ERBB4: variants seen among roughly 807,000 people sequenced by gnomAD.
ERBB4 encodes erb-b2 receptor tyrosine kinase 4.
ERBB4 carries 42 observed loss-of-function variants against 158.0 expected under a neutral mutation model. That is an observed-to-expected ratio of 0.27 (90% CI 0.21 to 0.34). The LOEUF (loss-of-function observed/expected upper bound fraction) is 0.34, where lower values mean the gene tolerates loss of function less well. Ranked by LOEUF, ERBB4 falls within the 10% of genes least tolerant of loss-of-function variation. ERBB4 has a pLI of 1.00. For synonymous variants in ERBB4, 583 were observed against 558.7 expected, an observed-to-expected ratio of 1.04 and a Z score of -0.61; for missense variants, 1,333 against 1,624.1, an observed-to-expected ratio of 0.82 and a Z score of 3.08.
intron 1 of ERBB4, among the ~76,000 whole-genome samples, chr2:212,367,015 G>A (rs2089913404): frequency 6.6e-6 from 1 of 151,818 alleles, no homozygotes; most frequent in African/African-American, 2.4e-5. Context: ...AGGTAATAAG[G>A]TCAGAAGAGT....
chr2:212,041,924 T>G (rs574309811), intron 2 of ERBB4, among the ~76,000 whole-genome samples: 2 of 152,098 alleles, frequency 1.3e-5, no homozygotes. Context: ...ACCTATTACA[T>G]TGTCATGATG....
intron 2 of ERBB4, among the ~76,000 whole-genome samples, chr2:211,974,116 A>G (rs958458666): frequency 6.6e-6 from 1 of 152,184 alleles, no homozygotes; most frequent in African/African-American, 2.4e-5. Context: ...GAATCAGGAA[A>G]AACAACCAGT....
At chr2:212,065,028 TTGTG>T (rs1220915180) in intron 2 of ERBB4, among the ~76,000 whole-genome samples, 9 of 130,296 alleles carry the variant, frequency 6.9e-5, no homozygotes, top group African/African-American at 1.7e-4. Flanking sequence ...TGTGTGTGTG[TTGTG>T]TGTGTGTGTG....
chr2:211,424,343 A>G (rs1366468357), intron 22 of ERBB4, 42 bp from the exon 23 acceptor site: 3 of 1,497,188 alleles, frequency 2.0e-6, no homozygotes, highest in Admixed American at 3.4e-5. Context: ...TATTAACAAC[A>G]TATGTTGAAC....
chr2:211,678,323 A>C (rs1166267970), intron 13 of ERBB4, among the ~76,000 whole-genome samples: 58 of 151,664 alleles, frequency 3.8e-4, no homozygotes, highest in African/African-American at 9.4e-4. Flanking sequence ...ACAAACAAAA[A>C]AAAAAAAACA....
chr2:211,858,424 G>A (rs2077927425), intron 3 of ERBB4, among the ~76,000 whole-genome samples: 1 of 152,162 alleles, frequency 6.6e-6, no homozygotes, highest in South Asian at 2.1e-4. Flanking sequence ...TAAAGCTTAT[G>A]AAAAGTCAAA....
intron 7 of ERBB4, among the ~76,000 whole-genome samples, chr2:211,717,438 T>C (rs2073954581): frequency 6.6e-6 from 1 of 152,214 alleles, no homozygotes; most frequent in South Asian, 2.1e-4. Context: ...CACACATATA[T>C]ATACATAAAG....
At chr2:211,944,175 T>C (rs1367338196) in intron 3 of ERBB4, among the ~76,000 whole-genome samples, 1 of 32,476 alleles carries the variant, frequency 3.1e-5, no homozygotes, top group African/African-American at 1.4e-4. Flanking sequence ...TATATATATA[T>C]ACTATATATA....
At position 211,445,112 on chromosome 2, in the gene ERBB4, A is replaced by C. The variant is rs567873710; in HGVS notation, c.2488-14012T>G. Reference sequence around the variant, plus strand: ...ATTGTCAATGGCTAAAAGCGCCAAAATTAAGTGTCTAACTTAATTGTGATT... The same window carrying C: ...ATTGTCAATGGCTAAAAGCGCCAAACTTAAGTGTCTAACTTAATTGTGATT... On this transcript the variant is annotated intron_variant, in intron 20 of 27. Coordinates refer to ENST00000342788, the MANE Select transcript of ERBB4 (RefSeq NM_005235.3). Among the ~76,000 whole-genome samples, 3 of 152,248 alleles carry C rather than the reference A, an allele frequency of 2.0e-5. No homozygotes were observed. In the South Asian group the frequency reaches 6.2e-4, roughly 32 times the overall value.
intron 1 of ERBB4, among the ~76,000 whole-genome samples, chr2:212,407,851 A>G (rs2106479490): frequency 6.6e-6 from 1 of 152,166 alleles, no homozygotes; most frequent in South Asian, 2.1e-4. Flanking sequence ...CTTTAAATGC[A>G]TTAAGTAGAT....
At chr2:211,698,044 T>C (rs1191775976) in intron 12 of ERBB4, among the ~76,000 whole-genome samples, 1 of 152,146 alleles carries the variant, frequency 6.6e-6, no homozygotes, top group African/African-American at 2.4e-5. Context: ...AGGTCAGGCA[T>C]GGTGGCTCAC....
At chr2:211,986,941 CAAG>C (rs1468156266) in intron 2 of ERBB4, among the ~76,000 whole-genome samples, 1 of 151,878 alleles carries the variant, frequency 6.6e-6, no homozygotes, top group African/African-American at 2.4e-5. Context: ...ACAAAGATTC[CAAG>C]AATATACTAA....
intron 16 of ERBB4, among the ~76,000 whole-genome samples, chr2:211,632,569 G>A (rs906111743): frequency 8.5e-5 from 13 of 152,082 alleles, no homozygotes; most frequent in South Asian, 6.2e-4. Flanking sequence ...ATATGTAAAC[G>A]TCAATGTCAC....
intron 18 of ERBB4, 37 bp from the exon 19 acceptor site, chr2:211,619,312 C>T (rs781666394): frequency 3.5e-6 from 4 of 1,147,360 alleles, no homozygotes; most frequent in Non-Finnish European, 5.3e-6. Flanking sequence ...TATGACATCT[C>T]AACCTATTAA....
At chr2:212,378,923 G>C (rs2090415436) in intron 1 of ERBB4, among the ~76,000 whole-genome samples, 1 of 151,708 alleles carries the variant, frequency 6.6e-6, no homozygotes, top group Non-Finnish European at 1.5e-5. Context: ...CAGAATTTAG[G>C]TGAGGTTCTA....
intron 1 of ERBB4, among the ~76,000 whole-genome samples, chr2:212,170,970 C>T (rs2081499444): frequency 6.6e-6 from 1 of 152,072 alleles, no homozygotes; most frequent in Non-Finnish European, 1.5e-5. Context: ...GGGCCACCAT[C>T]CTCCAGGCCC....
intron 19 of ERBB4, among the ~76,000 whole-genome samples, chr2:211,566,357 T>C (rs899054818): frequency 2.6e-5 from 4 of 152,138 alleles, no homozygotes; most frequent in Admixed American, 1.3e-4. Context: ...GGCCAGATTA[T>C]AGGTAAATAG....
At chr2:212,209,799 C>T (rs1012524677) in intron 1 of ERBB4, among the ~76,000 whole-genome samples, 2 of 152,088 alleles carry the variant, frequency 1.3e-5, no homozygotes, top group Admixed American at 1.3e-4. Flanking sequence ...ACAGTGTTCT[C>T]TTTTAGAGAA....
At chr2:211,929,071 A>G (rs141013509) in intron 3 of ERBB4, among the ~76,000 whole-genome samples, 8 of 152,178 alleles carry the variant, frequency 5.3e-5, no homozygotes, top group Non-Finnish European at 1.0e-4. Context: ...TCATGGGTAC[A>G]TGTAATAGCT....
Sources: gnomAD v4.1 joint callset for allele counts (sites outside exome capture counted in the v4.1 genomes callset) on GRCh38, gnomAD v4.1.1 for gene constraint, MANE v1.5 for transcripts, NCBI Gene and HGNC (gene_info 2026-07-23, HGNC 2026-07-21) for gene names.